APBA2: variants seen among roughly 807,000 people sequenced by gnomAD.
APBA2 encodes amyloid beta precursor protein binding family A member 2, also known as amyloid-beta A4 precursor protein-binding family A member 2.
In APBA2, 30 loss-of-function variants were observed where a neutral mutation model predicts 75.0. That is an observed-to-expected ratio of 0.40 (90% CI 0.30 to 0.54). APBA2 has a LOEUF of 0.54. APBA2 is among the 20% of genes least tolerant of loss of function. The pLI is 0.49. For missense variants in APBA2, 801 were observed against 1,016.1 expected, an observed-to-expected ratio of 0.79 and a Z score of 2.88; for synonymous variants, 444 against 409.6, an observed-to-expected ratio of 1.08 and a Z score of -1.01.
intron 3 of APBA2, among the ~76,000 whole-genome samples, chr15:29,023,144 T>C (rs909719357): frequency 3.3e-5 from 5 of 152,186 alleles, no homozygotes; most frequent in Non-Finnish European, 7.3e-5. Flanking sequence ...AATGCCTCCT[T>C]CTTCCCCTCT....
rs1486078973 is a variant in APBA2, at chr15:29,054,204, A to G, written c.320A>G (p.Asp107Gly). Reference sequence around the variant, plus strand: ...TACTACATCCGCTACTGCCCTGAGGACGACAGCTACCTAGAGGGCATGGAC... The same window carrying G: ...TACTACATCCGCTACTGCCCTGAGGGCGACAGCTACCTAGAGGGCATGGAC... ...ITYYIRYCPE[D>G]DSYLEGMDCN... Residue 107 changes from aspartate (D) to glycine (G), a missense_variant, in exon 4 of 15, where the codon GAC (aspartate) becomes GGC (glycine). Asp to Gly is a moderately conservative substitution (Grantham distance 94, BLOSUM62 -1). Transcript: ENST00000683413. The surrounding 1 kb of genome is among the most constrained non-coding windows in gnomAD (Gnocchi z 6.1). 1 of 1,614,170 alleles carries G rather than the reference A, an allele frequency of 6.2e-7. No individual in the cohort carries two copies. The highest frequency in any genetic ancestry group is 1.7e-5 in the Admixed American group (1 of 60,026).
intron 3 of APBA2, among the ~76,000 whole-genome samples, chr15:29,010,333 A>ACTGTAAG (rs2039337232): frequency 6.6e-6 from 1 of 152,078 alleles, no homozygotes; most frequent in African/African-American, 2.4e-5. Flanking sequence ...ATCTCAGCTC[A>ACTGTAAG]CTGTAAGCTT....
intron 2 of APBA2, among the ~76,000 whole-genome samples, chr15:28,984,542 T>C (rs12441617): frequency 0.069 from 10,449 of 152,108 alleles, 556 homozygotes; most frequent in East Asian, 0.27. Context: ...GGATCCTTCC[T>C]GGTCCCGTTT....
intron 4 of APBA2, among the ~76,000 whole-genome samples, chr15:29,072,261 G>C (rs2042657167): frequency 6.6e-6 from 1 of 152,142 alleles, no homozygotes; most frequent in African/African-American, 2.4e-5. Flanking sequence ...GGCAGGGAAG[G>C]CCTCCAGGAA....
At chr15:29,116,577 G>A (rs1246304105) in intron 14 of APBA2, among the ~76,000 whole-genome samples, 2 of 150,838 alleles carry the variant, frequency 1.3e-5, no homozygotes, top group South Asian at 2.1e-4. Context: ...GCAGTGAGCC[G>A]AGATTGCACC....
chr15:29,025,687 C>A lies in APBA2; in HGVS notation c.-40-28158C>A, dbSNP rs185739870. On this transcript the variant is annotated intron_variant, in intron 3 of 14. Coordinates refer to ENST00000683413, the MANE Select transcript of APBA2 (RefSeq NM_001353788.2). ...CAGTGATGGGCTGGGCGTGGTGGCT[C>A]ACGCCTATAATCCCAGCAATTTGCG... is the stretch of plus-strand genomic sequence containing the variant. Among the ~76,000 whole-genome samples the A allele has an allele frequency of 1.9e-3, 293 of 151,412 alleles. 2 individuals are homozygous for A. Among genetic ancestry groups the A allele is most frequent in the African/African-American group, 3.5e-3 (144 of 41,454 alleles).
At chr15:29,056,815 G>A (rs2041922024) in intron 4 of APBA2, among the ~76,000 whole-genome samples, 1 of 151,764 alleles carries the variant, frequency 6.6e-6, no homozygotes, top group Non-Finnish European at 1.5e-5. Context: ...CGTGGGCAGG[G>A]TCTCCACATT....
At chr15:29,047,532 ATAT>A in intron 3 of APBA2, among the ~76,000 whole-genome samples, 2 of 152,332 alleles carry the variant, frequency 1.3e-5, no homozygotes, top group East Asian at 3.9e-4. Context: ...TTGCATTAAA[ATAT>A]TATTTATTTT....
chr15:29,004,134 C>T (rs1401545715), intron 3 of APBA2, among the ~76,000 whole-genome samples: 1 of 152,170 alleles, frequency 6.6e-6, no homozygotes, highest in African/African-American at 2.4e-5. Context: ...TGGAGGGAGA[C>T]TGAGGCCCAG....
intron 1 of APBA2, among the ~76,000 whole-genome samples, chr15:28,915,187 T>TACCACACACCACACACATACCCCATACAC (rs2033625832): frequency 2.0e-3 from 2 of 992 alleles, no homozygotes; most frequent in South Asian, 0.026. Context: ...ACCCCATATA[T>TACCACACACCACACACATACCCCATACAC]ACCACACACC....
At chr15:28,890,560 T>G (rs2032067744) in intron 1 of APBA2, among the ~76,000 whole-genome samples, 1 of 152,220 alleles carries the variant, frequency 6.6e-6, no homozygotes, top group Non-Finnish European at 1.5e-5. Flanking sequence ...CTTGCCTGTG[T>G]CCTGGCCTAG....
intron 3 of APBA2, among the ~76,000 whole-genome samples, chr15:29,008,936 AGT>A (rs1414728407): frequency 6.6e-6 from 1 of 152,158 alleles, no homozygotes; most frequent in East Asian, 1.9e-4. Context: ...GCTGTTCTCT[AGT>A]GTGAGTTAAC....
intron 2 of APBA2, among the ~76,000 whole-genome samples, chr15:28,948,891 G>C (rs1019768966): frequency 6.6e-6 from 1 of 151,918 alleles, no homozygotes; most frequent in Non-Finnish European, 1.5e-5. Context: ...GTGAGAGGCT[G>C]GGGGGTTGGT....
chr15:28,949,428 A>G (rs2035730945), intron 2 of APBA2, among the ~76,000 whole-genome samples: 1 of 152,122 alleles, frequency 6.6e-6, no homozygotes, highest in Non-Finnish European at 1.5e-5. Context: ...CGCATCACGG[A>G]GGAGAGGTGC....
chr15:29,075,060 C>T, intron 5 of APBA2, 59 bp downstream of exon 5: 1 of 1,223,046 alleles, frequency 8.2e-7, no homozygotes. Context: ...GATGGAGTGG[C>T]CCACCGAGTT....
At chr15:29,029,680 C>T (rs572428782) in intron 3 of APBA2, among the ~76,000 whole-genome samples, 155 of 152,004 alleles carry the variant, frequency 1.0e-3, no homozygotes, top group African/African-American at 3.7e-3. Flanking sequence ...GGGAGGGGGA[C>T]CTAAGCAGGG....
chr15:29,078,426 T>C (rs1405061985), intron 6 of APBA2, among the ~76,000 whole-genome samples: 2 of 151,582 alleles, frequency 1.3e-5, no homozygotes, highest in Admixed American at 6.6e-5. Flanking sequence ...GCTTGACCAA[T>C]ATGGTGAAAC....
intron 4 of APBA2, among the ~76,000 whole-genome samples, chr15:29,066,640 C>T (rs371672171): frequency 4.1e-4 from 63 of 151,898 alleles, no homozygotes; most frequent in African/African-American, 1.4e-3. Flanking sequence ...TGGTGATGGT[C>T]GCTCAACAGT....
chr15:29,069,774 G>T lies in APBA2; in HGVS notation c.952-5147G>T, dbSNP rs905125428. ...CTGTGCCATATGGGACATACAACAG[G>T]CACCTGTTCAGGCCTGGCCATGTGG... is the stretch of plus-strand genomic sequence containing the variant. On this transcript the variant is annotated intron_variant, in intron 4 of 14. Coordinates refer to ENST00000683413, the MANE Select transcript of APBA2 (RefSeq NM_001353788.2). 1.3e-5 allele frequency among the ~76,000 whole-genome samples: 2 copies of T among 152,242 alleles called. 1 individual carries two copies. The highest frequency in any genetic ancestry group is 3.8e-4 in the East Asian group (2 of 5,198).
Sources: allele counts gnomAD v4.1 joint callset (sites outside exome capture counted in the v4.1 genomes callset), GRCh38; gene constraint gnomAD v4.1.1; non-coding constraint Gnocchi (gnomAD v3.1); transcripts MANE v1.5; gene names NCBI Gene and HGNC (gene_info 2026-07-23, HGNC 2026-07-21).